Variants in INPP5F observed in about 807,000 individuals in gnomAD.
INPP5F encodes the protein phosphatidylinositide 4-phosphatase SAC2.
A neutral mutation model predicts 137.2 loss-of-function variants in INPP5F; 97 were observed. The observed-to-expected ratio is 0.71, with a 90% CI of 0.60 to 0.84. The LOEUF (loss-of-function observed/expected upper bound fraction) is 0.84, where lower values mean the gene tolerates loss of function less well. INPP5F is among the 40% of genes least tolerant of loss of function. INPP5F has a pLI of 0.00. For synonymous variants in INPP5F, 504 were observed against 476.9 expected, an observed-to-expected ratio of 1.06 and a Z score of -0.74; for missense variants, 1,271 against 1,371.9, an observed-to-expected ratio of 0.93 and a Z score of 1.16.
chr10:119,745,970 G>A (rs1848519450), intron 1 of INPP5F, among the ~76,000 whole-genome samples: 1 of 152,052 alleles, frequency 6.6e-6, no homozygotes, highest in South Asian at 2.1e-4. Context: ...CCAAAGTGCT[G>A]GGATTACATG....
At chr10:119,822,573 T>C (rs1375319106) in intron 17 of INPP5F, 69 bp downstream of exon 17, 2 of 692,068 alleles carry the variant, frequency 2.9e-6, no homozygotes, top group East Asian at 5.6e-5. Flanking sequence ...GGTCAAATTA[T>C]TTAAGCAAGA....
chr10:119,825,506 C>A (rs145465169), intron 19 of INPP5F, among the ~76,000 whole-genome samples: 1 of 152,102 alleles, frequency 6.6e-6, no homozygotes, highest in Non-Finnish European at 1.5e-5. Flanking sequence ...CCAAGAGAAC[C>A]GGTCTGAGAG....
chr10:119,782,461 G>C (rs1259946681), intron 3 of INPP5F, among the ~76,000 whole-genome samples: 1 of 152,174 alleles, frequency 6.6e-6, no homozygotes, highest in African/African-American at 2.4e-5. Context: ...ACTATGTGAT[G>C]TGCCAGGTGG....
intron 2 of INPP5F, among the ~76,000 whole-genome samples, chr10:119,776,112 A>G (rs1258723555): frequency 6.6e-6 from 1 of 152,218 alleles, no homozygotes; most frequent in Non-Finnish European, 1.5e-5. Context: ...GTATACAAGA[A>G]GCAAATGATG....
At chr10:119,821,140 G>T (rs1851543735) in intron 16 of INPP5F, among the ~76,000 whole-genome samples, 1 of 152,088 alleles carries the variant, frequency 6.6e-6, no homozygotes, top group African/African-American at 2.4e-5. Flanking sequence ...GTATGTTTAT[G>T]TTATAGTGTA....
chr10:119,762,549 A>G (rs186235186), intron 2 of INPP5F, among the ~76,000 whole-genome samples: 1 of 152,312 alleles, frequency 6.6e-6, no homozygotes, highest in Non-Finnish European at 1.5e-5. Flanking sequence ...ACATCTGCAG[A>G]TGGACAATAT....
intron 2 of INPP5F, among the ~76,000 whole-genome samples, chr10:119,758,323 G>T (rs1283981156): frequency 6.6e-6 from 1 of 152,136 alleles, no homozygotes; most frequent in African/African-American, 2.4e-5. Context: ...GAGCGGGGAG[G>T]CCTTGAGAGG....
chr10:119,785,245 A>T (rs1305227578), intron 3 of INPP5F, among the ~76,000 whole-genome samples: 1 of 146,204 alleles, frequency 6.8e-6, no homozygotes, highest in Non-Finnish European at 1.5e-5. Flanking sequence ...TTGCTGGGTC[A>T]TATGGTAACT....
intron 1 of INPP5F, among the ~76,000 whole-genome samples, chr10:119,736,161 C>CA (rs1848210336): frequency 6.6e-6 from 1 of 152,110 alleles, no homozygotes; most frequent in African/African-American, 2.4e-5. Context: ...GGATATATCC[C>CA]AACACATTGC....
In INPP5F at chr10:119,822,469, G is replaced by A. The variant is rs1208142102; in HGVS notation, c.1997G>A (p.Arg666Gln). Reference protein sequence around the residue: ...DEVDKVNQYQRLSLENLEKIE... With the variant: ...DEVDKVNQYQQLSLENLEKIE... ...GTTGATAAAGTAAACCAGTATCAAC[G>A]ACTAAGTCTAGAAAACCTGGAAAAA... is the stretch of plus-strand genomic sequence containing the variant. The change falls in exon 17 of 20, where the codon CGA becomes CAA. Residue 666 changes from arginine to glutamine, a missense_variant. Around this residue, in one of 6 missense-constraint regions of INPP5F, gnomAD observed 593 missense variants for 712.4 expected, o/e 0.83. Coordinates refer to ENST00000650623, the MANE Select transcript of INPP5F (RefSeq NM_014937.4). The A allele has an allele frequency of 2.0e-6, 3 of 1,534,056 alleles. No individual in the cohort carries two copies. The highest frequency in any genetic ancestry group is 3.5e-5 in the Admixed American group (2 of 56,356).
chr10:119,820,760 C>G (rs1022224640), intron 15 of INPP5F, 86 bp from the exon 16 acceptor site: 1 of 1,083,610 alleles, frequency 9.2e-7, no homozygotes, highest in East Asian at 2.4e-5. Flanking sequence ...ATTTTTTGTC[C>G]TAAGTAGCTC....
At chr10:119,813,942 A>T (rs996183896) in intron 15 of INPP5F, among the ~76,000 whole-genome samples, 84 of 152,320 alleles carry the variant, frequency 5.5e-4, no homozygotes, top group African/African-American at 1.9e-3. Context: ...CTTCATTAAC[A>T]TGATGAAATG....
At chr10:119,788,766 A>C (rs1420050833) in intron 3 of INPP5F, among the ~76,000 whole-genome samples, 2 of 152,234 alleles carry the variant, frequency 1.3e-5, no homozygotes, top group African/African-American at 4.8e-5. Flanking sequence ...TGATGAGCCC[A>C]GGTCCTAATC....
intron 15 of INPP5F, among the ~76,000 whole-genome samples, chr10:119,817,540 G>A (rs558294921): frequency 1.3e-5 from 2 of 152,246 alleles, no homozygotes; most frequent in South Asian, 4.1e-4. Context: ...ATCCTACTTA[G>A]TGTGAAGTGG....
At chr10:119,798,735 T>A in intron 9 of INPP5F, 125 bp downstream of exon 9, 3 of 492,086 alleles carry the variant, frequency 6.1e-6, no homozygotes, top group Non-Finnish European at 1.0e-5. Context: ...TTAACACATT[T>A]AAGCTAAGAG....
intron 16 of INPP5F, among the ~76,000 whole-genome samples, chr10:119,821,867 T>A (rs2134296144): frequency 2.1e-5 from 3 of 141,866 alleles, no homozygotes; most frequent in Admixed American, 2.1e-4. Context: ...GTAGTTGCTT[T>A]TTTTTTTTTT....
chr10:119,813,647 CAAAA>C (rs1394997618), intron 15 of INPP5F, among the ~76,000 whole-genome samples: 16 of 151,754 alleles, frequency 1.1e-4, no homozygotes, highest in South Asian at 4.2e-4. Context: ...ACAAAACAAA[CAAAA>C]AAACTCAAAA....
At chr10:119,744,547 C>A (rs544502145) in intron 1 of INPP5F, among the ~76,000 whole-genome samples, 126 of 151,746 alleles carry the variant, frequency 8.3e-4, no homozygotes, top group Non-Finnish European at 9.1e-4. Flanking sequence ...CATCTTATCT[C>A]TTTCTTGTTT....
In INPP5F at chr10:119,787,429, A is replaced by C. The variant is rs559891827; in HGVS notation, c.316-4088A>C. Reference sequence around the variant, plus strand: ...GTGAAACCCTGTCTCTACTAAAAATACAAAACTTAGCCAGGCATGATGGCA... The same window carrying C: ...GTGAAACCCTGTCTCTACTAAAAATCCAAAACTTAGCCAGGCATGATGGCA... On this transcript the variant is annotated intron_variant, in intron 3 of 19. Coordinates refer to ENST00000650623, the MANE Select transcript of INPP5F (RefSeq NM_014937.4). The surrounding 1 kb of genome is among the most constrained non-coding windows in gnomAD (Gnocchi z 4.1). 8.5e-5 allele frequency among the ~76,000 whole-genome samples: 13 copies of C among 152,296 alleles called. No homozygotes were observed. In the South Asian group the frequency reaches 2.5e-3, roughly 29 times the overall value.
Sources: allele counts gnomAD v4.1 joint callset (sites outside exome capture counted in the v4.1 genomes callset), GRCh38; gene constraint gnomAD v4.1.1; regional missense constraint gnomAD v4.1.1; non-coding constraint Gnocchi (gnomAD v3.1); transcripts MANE v1.5; gene names NCBI Gene and HGNC (gene_info 2026-07-23, HGNC 2026-07-21).